Variants in SVIL observed in about 807,000 individuals in gnomAD.
SVIL encodes archvillin.
Under a neutral mutation model 240.4 loss-of-function variants are expected in SVIL, and 101 were observed. The ratio of observed to expected loss-of-function variants is 0.42; its 90% CI spans 0.36 to 0.50. The LOEUF (loss-of-function observed/expected upper bound fraction) is 0.50, where lower values mean the gene tolerates loss of function less well. Among genes scored for constraint, SVIL ranks in the 20% least tolerant of loss-of-function variants. The pLI is 0.01. For synonymous variants in SVIL, 999 were observed against 1,100.0 expected, an observed-to-expected ratio of 0.91 and a Z score of 1.82; for missense variants, 2,512 against 2,818.7, an observed-to-expected ratio of 0.89 and a Z score of 2.46.
chr10:29,585,086 C>T (rs35732488), intron 1 of SVIL, among the ~76,000 whole-genome samples: 60,935 of 145,294 alleles, frequency 0.42, 12,699 homozygotes, highest in Admixed American at 0.47. Flanking sequence ...ATTCTTCTTC[C>T]TTTTTTTTTT....
chr10:29,635,970 C>T (rs1958296115), upstream of SVIL, among the ~76,000 whole-genome samples: 1 of 152,190 alleles, frequency 6.6e-6, no homozygotes, highest in African/African-American at 2.4e-5. Flanking sequence ...ATTCCTGTTA[C>T]TAATTAACCC....
intron 2 of SVIL, among the ~76,000 whole-genome samples, chr10:29,567,410 A>G (rs936046808): frequency 1.3e-5 from 2 of 152,224 alleles, no homozygotes; most frequent in Admixed American, 6.5e-5. Context: ...AAGCCCCATG[A>G]GCTCATATTT....
intron 1 of SVIL, among the ~76,000 whole-genome samples, chr10:29,702,812 A>G (rs1962621241): frequency 6.6e-6 from 1 of 151,888 alleles, no homozygotes; most frequent in African/African-American, 2.4e-5. Flanking sequence ...AACTCTCAAC[A>G]CTCAGCCCAT....
chr10:29,577,392 C>T (rs71489694), intron 1 of SVIL, among the ~76,000 whole-genome samples: 9,110 of 152,248 alleles, frequency 0.06, 341 homozygotes, highest in Admixed American at 0.12. Context: ...GCCTTTGAGT[C>T]CTCATAGCTT....
At chr10:29,653,014 T>C (rs1014290799) in intron 3 of SVIL, among the ~76,000 whole-genome samples, 4 of 151,770 alleles carry the variant, frequency 2.6e-5, no homozygotes, top group African/African-American at 9.7e-5. Flanking sequence ...TTTTTTTTTT[T>C]CTGAGTCGTT....
chr10:29,664,699 C>CAG (rs1007391718), intron 2 of SVIL, among the ~76,000 whole-genome samples: 10 of 151,970 alleles, frequency 6.6e-5, no homozygotes, highest in African/African-American at 2.2e-4. Context: ...TATACACACA[C>CAG]ACACACACAT....
chr10:29,481,442 T>C (rs1303149275), intron 28 of SVIL, 142 bp downstream of exon 28: 1 of 1,131,362 alleles, frequency 8.8e-7, no homozygotes, highest in Non-Finnish European at 1.3e-6. Context: ...GAGGAGAAGA[T>C]TTGAATGTTC....
At chr10:29,680,001 G>A (rs1960510846) in intron 2 of SVIL, among the ~76,000 whole-genome samples, 1 of 151,780 alleles carries the variant, frequency 6.6e-6, no homozygotes, top group African/African-American at 2.4e-5. Flanking sequence ...GCAATATAGC[G>A]AGATCCTATC....
At chr10:29,708,422 A>C (rs1963056482) in intron 1 of SVIL, among the ~76,000 whole-genome samples, 2 of 151,586 alleles carry the variant, frequency 1.3e-5, no homozygotes, top group Non-Finnish European at 2.9e-5. Flanking sequence ...GGAGTTCAAG[A>C]CCAGCCTGGC....
upstream of SVIL, among the ~76,000 whole-genome samples, chr10:29,639,011 T>C (rs759634426): frequency 3.5e-4 from 53 of 152,198 alleles, no homozygotes; most frequent in Non-Finnish European, 6.2e-4. Flanking sequence ...CTCAGGCTGG[T>C]CTTGAACTCT....
chr10:29,654,433 T>A (rs1208732600), intron 3 of SVIL, among the ~76,000 whole-genome samples: 1 of 152,186 alleles, frequency 6.6e-6, no homozygotes, highest in Non-Finnish European at 1.5e-5. Flanking sequence ...TATGGTGAGT[T>A]CCTAAAAATT....
intron 2 of SVIL, among the ~76,000 whole-genome samples, chr10:29,670,114 C>CAA (rs1166569293): frequency 6.8e-5 from 9 of 132,228 alleles, no homozygotes; most frequent in South Asian, 2.4e-4. Flanking sequence ...GACTCCATCT[C>CAA]AAAAAAAAAA....
intron 21 of SVIL, among the ~76,000 whole-genome samples, chr10:29,491,449 C>T (rs61848921): frequency 0.072 from 10,919 of 152,240 alleles, 568 homozygotes; most frequent in Admixed American, 0.15. Context: ...GGCTCCTTGA[C>T]GTAATCCTCT....
upstream of SVIL, among the ~76,000 whole-genome samples, chr10:29,637,346 G>A (rs1417484330): frequency 1.3e-5 from 2 of 152,056 alleles, no homozygotes; most frequent in Non-Finnish European, 2.9e-5. Flanking sequence ...AATTAGCCAG[G>A]CGTGGTGGTG....
At chr10:29,583,388 C>G (rs1956031931) in intron 1 of SVIL, among the ~76,000 whole-genome samples, 1 of 152,168 alleles carries the variant, frequency 6.6e-6, no homozygotes, top group South Asian at 2.1e-4. Flanking sequence ...GCCTCGACCT[C>G]CTAAGCTCAA....
Position 29,484,967 on chromosome 10 carries a change from C to G in SVIL, c.4780-136G>C. 1.1e-6 allele frequency: 1 copy of G among 934,092 alleles called. No individual in the cohort carries two copies. The highest frequency in any genetic ancestry group is 1.5e-6 in the Non-Finnish European group (1 of 648,090). 57.9% of individuals were successfully genotyped at this position (934,092 alleles called of 1,614,324 possible). Reference sequence around the variant, plus strand: ...CCTAACGGGGCGACCAACACAGACACAAAAAGGCCAGGAGATCTCAGCTGG... The same window carrying G: ...CCTAACGGGGCGACCAACACAGACAGAAAAAGGCCAGGAGATCTCAGCTGG... On this transcript the variant is annotated intron_variant, in intron 26 of 37. Coordinates refer to ENST00000355867, the MANE Select transcript of SVIL (RefSeq NM_021738.3). The surrounding 1 kb of genome is among the most constrained non-coding windows in gnomAD (Gnocchi z 4.7).
intron 1 of SVIL, among the ~76,000 whole-genome samples, chr10:29,628,692 A>T (rs1957969355): frequency 6.6e-6 from 1 of 152,206 alleles, no homozygotes; most frequent in Non-Finnish European, 1.5e-5. Context: ...ATTGGGAGTT[A>T]ATTTCTACTT....
intron 7 of SVIL, among the ~76,000 whole-genome samples, chr10:29,533,826 G>A (rs2132570427): frequency 6.6e-6 from 1 of 152,300 alleles, no homozygotes; most frequent in South Asian, 2.1e-4. Context: ...CCTTGAATCA[G>A]TAAGCTTTCC....
At position 29,624,275 on chromosome 10, in the gene SVIL, C is replaced by T. The variant is rs191560654; in HGVS notation, c.-201+10145G>A. Among the ~76,000 whole-genome samples the T allele has an allele frequency of 1.2e-3, 177 of 152,116 alleles. 1 individual carries two copies. Among genetic ancestry groups the T allele is most frequent in the African/African-American group, 4.0e-3 (167 of 41,500 alleles). On this transcript the variant is annotated intron_variant, in intron 1 of 37. Coordinates refer to ENST00000355867, the MANE Select transcript of SVIL (RefSeq NM_021738.3). Reference sequence around the variant, plus strand: ...GTTTAAAAACCATCTGCTTGGCTCACACATGTAATCCCAACCCTCTGGGAG... The same window carrying T: ...GTTTAAAAACCATCTGCTTGGCTCATACATGTAATCCCAACCCTCTGGGAG...
Sources: allele counts gnomAD v4.1 joint callset (sites outside exome capture counted in the v4.1 genomes callset), GRCh38; gene constraint gnomAD v4.1.1; non-coding constraint Gnocchi (gnomAD v3.1); transcripts MANE v1.5; gene names NCBI Gene and HGNC (gene_info 2026-07-23, HGNC 2026-07-21).